DOCK3: variants seen among roughly 807,000 people sequenced by gnomAD.
The protein encoded by DOCK3 is dedicator of cytokinesis protein 3.
Under a neutral mutation model 265.6 loss-of-function variants are expected in DOCK3, and 60 were observed. The observed-to-expected ratio is 0.23, with a 90% CI of 0.18 to 0.28. The LOEUF (loss-of-function observed/expected upper bound fraction) is 0.28. Among genes scored for constraint, DOCK3 ranks in the 10% least tolerant of loss-of-function variants. The probability of loss-of-function intolerance (pLI) is 1.00; values close to 1 mark genes in which losing one functional copy is unlikely to be tolerated. For missense variants in DOCK3, 1,981 were observed against 2,594.3 expected, an observed-to-expected ratio of 0.76 and a Z score of 5.14; for synonymous variants, 881 against 938.0, an observed-to-expected ratio of 0.94 and a Z score of 1.11.
At chr3:51,118,386 T>G (rs1309170565) in intron 9 of DOCK3, among the ~76,000 whole-genome samples, 3 of 152,208 alleles carry the variant, frequency 2.0e-5, no homozygotes, top group Non-Finnish European at 4.4e-5. Context: ...AGTTATGTGG[T>G]CAATTTTCGA....
intron 1 of DOCK3, among the ~76,000 whole-genome samples, chr3:50,695,982 T>C (rs976076405): frequency 6.6e-6 from 1 of 152,120 alleles, no homozygotes; most frequent in Admixed American, 6.5e-5. Flanking sequence ...GGTACAGAAA[T>C]AGCCAGATTG....
intron 4 of DOCK3, among the ~76,000 whole-genome samples, chr3:50,931,412 T>C (rs1459957304): frequency 6.6e-5 from 10 of 152,220 alleles, no homozygotes; most frequent in Admixed American, 6.5e-4. Flanking sequence ...GTTACTAAGA[T>C]TGTGATTTCC....
intron 5 of DOCK3, among the ~76,000 whole-genome samples, chr3:50,943,566 T>C (rs2076352502): frequency 6.6e-6 from 1 of 152,116 alleles, no homozygotes; most frequent in Non-Finnish European, 1.5e-5. Flanking sequence ...TGTTAGATGT[T>C]TTCTTTTTCT....
At chr3:50,779,040 A>G (rs2041770044) in intron 2 of DOCK3, among the ~76,000 whole-genome samples, 1 of 152,204 alleles carries the variant, frequency 6.6e-6, no homozygotes, top group South Asian at 2.1e-4. Context: ...GTACAGATAT[A>G]CAATGTGTAA....
chr3:51,069,903 G>T (rs4377512), intron 6 of DOCK3, among the ~76,000 whole-genome samples: 137,218 of 152,262 alleles, frequency 0.9, 62,026 homozygotes, highest in African/African-American at 0.95. Flanking sequence ...ATTTTCCAGC[G>T]TTAGGACACC....
At chr3:50,950,827 TTAGGTCTTACTTTC>T in intron 5 of DOCK3, among the ~76,000 whole-genome samples, 1 of 152,276 alleles carries the variant, frequency 6.6e-6, no homozygotes, top group South Asian at 2.1e-4. Context: ...TTACAGTTGT[TTAGGTCTTACTTTC>T]TACTCAACCC....
intron 9 of DOCK3, among the ~76,000 whole-genome samples, chr3:51,131,248 C>T (rs780761222): frequency 3.3e-4 from 50 of 152,140 alleles, no homozygotes; most frequent in Non-Finnish European, 4.1e-4. Flanking sequence ...TGCCTGACTT[C>T]CATAAGCCCC....
chr3:51,329,640 T>C (rs2084385667), intron 32 of DOCK3, among the ~76,000 whole-genome samples: 1 of 152,152 alleles, frequency 6.6e-6, no homozygotes, highest in Non-Finnish European at 1.5e-5. Context: ...TGAAGGAAAT[T>C]GGCTGGAGGA....
rs756305650 is a variant in DOCK3, at chr3:50,933,968, G to A, written c.219-13G>A. The A allele has an allele frequency of 3.3e-6, 5 of 1,537,800 alleles. No individual in the cohort carries two copies. The highest frequency in any genetic ancestry group is 2.3e-5 in the East Asian group (1 of 43,586). ...AGAGATAATGTGGCTGTCTTTTGTG[G>A]CTCTGGTTCTAGGCAGTATGAAACT... On this transcript the variant is annotated splice_polypyrimidine_tract_variant and intron_variant, in intron 4 of 52. Coordinates refer to ENST00000266037, the MANE Select transcript of DOCK3 (RefSeq NM_004947.5).
chr3:51,047,381 T>A (rs897237951), intron 5 of DOCK3, among the ~76,000 whole-genome samples: 9 of 151,752 alleles, frequency 5.9e-5, no homozygotes, highest in Non-Finnish European at 8.8e-5. Context: ...GTTGTGCACA[T>A]GTACCCTAGA....
At chr3:50,929,510 C>T (rs1476621333) in intron 4 of DOCK3, among the ~76,000 whole-genome samples, 1 of 152,154 alleles carries the variant, frequency 6.6e-6, no homozygotes, top group African/African-American at 2.4e-5. Context: ...TCTGGCCTTG[C>T]TTCTCATGTC....
At chr3:50,828,606 C>T (rs2044923109) in intron 2 of DOCK3, among the ~76,000 whole-genome samples, 1 of 151,066 alleles carries the variant, frequency 6.6e-6, no homozygotes, top group African/African-American at 2.4e-5. Flanking sequence ...GGTTTCACCA[C>T]GTTGTCCAGG....
chr3:50,796,722 T>C (rs1260451766), intron 2 of DOCK3, among the ~76,000 whole-genome samples: 1 of 152,230 alleles, frequency 6.6e-6, no homozygotes, highest in Non-Finnish European at 1.5e-5. Context: ...CTTTGTGGGC[T>C]GATGTTTTTT....
rs561021123 is a variant in DOCK3, at chr3:51,341,233, A to G, written c.3767-4A>G. 1.9e-6 allele frequency: 3 copies of G among 1,567,274 alleles called. No homozygotes were observed. Among genetic ancestry groups the G allele is most frequent in the Non-Finnish European group, 2.6e-6 (3 of 1,155,584 alleles). On this transcript the variant is annotated splice_polypyrimidine_tract_variant and splice_region_variant and intron_variant, in intron 37 of 52. Coordinates refer to ENST00000266037, the MANE Select transcript of DOCK3 (RefSeq NM_004947.5). ...CTGGACCTCCATGCTGTCTGTCCCCACAGAGGCCGCATTTACCCTGCTCCT... is the reference window on the plus strand; with the variant it reads ...CTGGACCTCCATGCTGTCTGTCCCCGCAGAGGCCGCATTTACCCTGCTCCT...
In DOCK3 at chr3:51,053,102, T is replaced by G. The variant is rs1441109913; in HGVS notation, c.316-11346T>G. On this transcript the variant is annotated intron_variant, in intron 5 of 52. Coordinates refer to ENST00000266037, the MANE Select transcript of DOCK3 (RefSeq NM_004947.5). ...AGATATATATATATATATATATATA[T>G]ATATATATATATATATATATGGATT... 1.1e-3 allele frequency among the ~76,000 whole-genome samples: 107 copies of G among 96,378 alleles called. 5 individuals are homozygous for G. Among genetic ancestry groups the G allele is most frequent in the Admixed American group, 2.2e-3 (22 of 10,010 alleles). 63.2% of individuals were successfully genotyped at this position (96,378 alleles called of 152,430 possible).
intron 12 of DOCK3, among the ~76,000 whole-genome samples, chr3:51,162,010 A>G (rs1162657015): frequency 6.6e-6 from 1 of 152,226 alleles, no homozygotes; most frequent in East Asian, 1.9e-4. Context: ...CATATACTCT[A>G]TCTTTGCTCA....
intron 25 of DOCK3, among the ~76,000 whole-genome samples, chr3:51,275,850 T>C (rs1192937252): frequency 2.6e-5 from 4 of 151,832 alleles, no homozygotes; most frequent in East Asian, 3.9e-4. Flanking sequence ...AGGAAAGATA[T>C]GAATTAGGCA....
chr3:51,338,348 C>G lies in DOCK3; in HGVS notation c.3612-11C>G. 2 of 1,551,634 alleles carry G rather than the reference C, an allele frequency of 1.3e-6. No individual in the cohort carries two copies. Among genetic ancestry groups the G allele is most frequent in the Admixed American group, 2.0e-5 (1 of 51,004 alleles). On this transcript the variant is annotated splice_polypyrimidine_tract_variant and intron_variant, in intron 35 of 52. Coordinates refer to ENST00000266037, the MANE Select transcript of DOCK3 (RefSeq NM_004947.5). ...TTCATATCTGGTGCTCATCTGTGCT[C>G]TCTCTTCCAGGGACTGCATGAAAGG...
intron 1 of DOCK3, among the ~76,000 whole-genome samples, chr3:50,778,284 A>T (rs1343955735): frequency 2.0e-5 from 3 of 152,054 alleles, no homozygotes; most frequent in African/African-American, 7.3e-5. Context: ...TGATTCTTTT[A>T]AAAAATATCT....
Sources: allele counts gnomAD v4.1 joint callset (sites outside exome capture counted in the v4.1 genomes callset), GRCh38; gene constraint gnomAD v4.1.1; transcripts MANE v1.5; gene names NCBI Gene and HGNC (gene_info 2026-07-23, HGNC 2026-07-21).